KRABD4: variants seen among roughly 807,000 people sequenced by gnomAD.
KRABD4 encodes KRAB domain containing 4, also known as KRAB domain-containing protein 4.
At chrX:46,473,625 C>T in the KRABD4 span, 182 of 347,706 alleles carry the variant, frequency 5.2e-4, no homozygotes, top group African/African-American at 4.3e-3. Flanking sequence ...CTGTCCTGCT[C>T]TTTCCTGCTC....
chrX:46,473,092 A>G, the KRABD4 span: 1 of 1,197,168 alleles, frequency 8.4e-7, no homozygotes. Context: ...TTTTGACCCT[A>G]ATCAACGAGG....
At chrX:46,456,341 T>C in the KRABD4 span, 6 of 107,950 alleles carry the variant, frequency 5.6e-5, no homozygotes, top group African/African-American at 1.3e-4. Context: ...TTAATTATTA[T>C]AAATTTAATA....
chrX:46,451,899 T>C, the KRABD4 span, among the ~76,000 whole-genome samples: 1 of 112,787 alleles, frequency 8.9e-6, no homozygotes, highest in Non-Finnish European at 1.9e-5. Context: ...TGGATACACA[T>C]TGTAAAAAAA....
At chrX:46,452,281 G>A in the KRABD4 span, among the ~76,000 whole-genome samples, 1 of 98,392 alleles carries the variant, frequency 1.0e-5, no homozygotes, top group Non-Finnish European at 2.2e-5. Context: ...TGGTCTTTCT[G>A]GTCCTTTTTT....
the KRABD4 span, among the ~76,000 whole-genome samples, chrX:46,459,742 T>C: frequency 8.9e-6 from 1 of 112,096 alleles, no homozygotes; most frequent in East Asian, 2.8e-4. Context: ...GAATGACGGC[T>C]GTTTTACTAG....
At chrX:46,471,265 G>GA in the KRABD4 span, 3 of 994,842 alleles carry the variant, frequency 3.0e-6, no homozygotes, top group Non-Finnish European at 4.1e-6. Context: ...CTTTGTGCCA[G>GA]AAAATCCTTC....
the KRABD4 span, among the ~76,000 whole-genome samples, chrX:46,459,739 G>A: frequency 5.4e-5 from 6 of 111,739 alleles, no homozygotes; most frequent in South Asian, 3.8e-4. Context: ...ATGGAATGAC[G>A]GCTGTTTTAC....
At chrX:46,459,274 A>G in the KRABD4 span, among the ~76,000 whole-genome samples, 3 of 106,462 alleles carry the variant, frequency 2.8e-5, no homozygotes, top group African/African-American at 1.0e-4. Context: ...AGATAGTGCC[A>G]CGGCACTCCA....
At chrX:46,469,326 A>G in the KRABD4 span, among the ~76,000 whole-genome samples, 1 of 112,357 alleles carries the variant, frequency 8.9e-6, no homozygotes, top group Non-Finnish European at 1.9e-5. Flanking sequence ...AATATGGTAT[A>G]TCCGTCTATT....
At chrX:46,463,129 AG>A in the KRABD4 span, 2 of 1,101,264 alleles carry the variant, frequency 1.8e-6, no homozygotes, top group South Asian at 3.8e-5. Flanking sequence ...TTCAGCCTGC[AG>A]GGGTGGGCCT....
the KRABD4 span, chrX:46,455,257 T>C: frequency 1.0e-6 from 1 of 960,634 alleles, no homozygotes; most frequent in East Asian, 3.4e-5. Flanking sequence ...GGATTCTTCA[T>C]GCTCGTGCTT....
chrX:46,447,523 C>T, the KRABD4 span, among the ~76,000 whole-genome samples: 3 of 111,196 alleles, frequency 2.7e-5, no homozygotes, highest in Admixed American at 2.8e-4. Context: ...GCTCTCAGGA[C>T]CCTCTGAGCC....
chrX:46,473,490 G>GTTTCTCCCATAT, the KRABD4 span: 1 of 872,811 alleles, frequency 1.1e-6, no homozygotes, highest in Non-Finnish European at 1.6e-6. Flanking sequence ...AATTCATATG[G>GTTTCTCCCATAT]GAGAAACCTT....
the KRABD4 span, chrX:46,462,617 G>A: frequency 2.7e-6 from 3 of 1,119,977 alleles, no homozygotes; most frequent in Non-Finnish European, 3.6e-6. Flanking sequence ...CTTAGGCTCT[G>A]TGCACCTCAC....
the KRABD4 span, among the ~76,000 whole-genome samples, chrX:46,450,869 A>G: frequency 9.2e-6 from 1 of 108,776 alleles, no homozygotes; most frequent in African/African-American, 3.4e-5. Flanking sequence ...CGCCTGGCTA[A>G]TTTTTGTATT....
the KRABD4 span, among the ~76,000 whole-genome samples, chrX:46,450,705 CTT>C: frequency 3.5e-3 from 311 of 88,368 alleles, 2 homozygotes; most frequent in South Asian, 0.027. Flanking sequence ...TTTTCTTTCT[CTT>C]TTTTTTTTTT....
At chrX:46,456,073 C>T in the KRABD4 span, 40 of 352,215 alleles carry the variant, frequency 1.1e-4, no homozygotes, top group East Asian at 1.8e-3. Flanking sequence ...CAAGGCCCAG[C>T]TCCTTAAAAG....
chrX:46,452,064 C>T, the KRABD4 span, among the ~76,000 whole-genome samples: 2 of 112,179 alleles, frequency 1.8e-5, no homozygotes, highest in Non-Finnish European at 3.8e-5. Flanking sequence ...CCCACCTCAG[C>T]CTCCCAAGTA....
the KRABD4 span, among the ~76,000 whole-genome samples, chrX:46,468,824 A>G: frequency 2.7e-5 from 3 of 111,559 alleles, no homozygotes; most frequent in Non-Finnish European, 3.8e-5. Flanking sequence ...ATTTGAACAT[A>G]TGTGTCACTC....
Sources: gnomAD v4.1 joint callset for allele counts (sites outside exome capture counted in the v4.1 genomes callset) on GRCh38, gnomAD v4.1.1 for gene constraint, MANE v1.5 for transcripts, NCBI Gene and HGNC (gene_info 2026-07-23, HGNC 2026-07-21) for gene names.